PBX3: variants seen among roughly 807,000 people sequenced by gnomAD.
PBX3 encodes PBX homeobox 3.
A neutral mutation model predicts 48.5 loss-of-function variants in PBX3; 14 were observed. The ratio of observed to expected loss-of-function variants is 0.29; its 90% CI spans 0.19 to 0.45. PBX3 has a LOEUF of 0.45. PBX3 is among the 20% of genes least tolerant of loss of function. The pLI is 1.00. For missense variants in PBX3, 386 were observed against 546.7 expected, an observed-to-expected ratio of 0.71 and a Z score of 2.93; for synonymous variants, 210 against 200.3, an observed-to-expected ratio of 1.05 and a Z score of -0.41.
At chr9:125,822,512 T>C (rs1319890873) in intron 2 of PBX3, among the ~76,000 whole-genome samples, 2 of 152,184 alleles carry the variant, frequency 1.3e-5, no homozygotes, top group South Asian at 2.1e-4. Flanking sequence ...TGGTTTTTCA[T>C]TGTAAATAAT....
At chr9:125,761,496 AG>A (rs1317617693) in intron 2 of PBX3, among the ~76,000 whole-genome samples, 1 of 152,098 alleles carries the variant, frequency 6.6e-6, no homozygotes, top group Admixed American at 6.6e-5. Flanking sequence ...AGGTTCATCG[AG>A]AGAGCTTCAG....
At chr9:125,892,982 A>G (rs1588267933) in intron 2 of PBX3, among the ~76,000 whole-genome samples, 1 of 152,162 alleles carries the variant, frequency 6.6e-6, no homozygotes, top group Non-Finnish European at 1.5e-5. Context: ...GCTTTATTTT[A>G]TTTAAATGGA....
At chr9:125,814,463 T>C (rs1326399906) in intron 2 of PBX3, among the ~76,000 whole-genome samples, 1 of 152,176 alleles carries the variant, frequency 6.6e-6, no homozygotes, top group Non-Finnish European at 1.5e-5. Flanking sequence ...GAGCTACATA[T>C]ATACATTTAG....
At chr9:125,927,612 T>C (rs1186620624) in intron 3 of PBX3, among the ~76,000 whole-genome samples, 4 of 152,210 alleles carry the variant, frequency 2.6e-5, no homozygotes, top group Non-Finnish European at 5.9e-5. Context: ...AGATGCAGAA[T>C]TTCCCATCCT....
chr9:125,759,465 CAT>C lies in PBX3; in HGVS notation c.274+10845_274+10846del, dbSNP rs1836606857. On this transcript the variant is annotated intron_variant, in intron 2 of 8. Coordinates refer to ENST00000373489, the MANE Select transcript of PBX3 (RefSeq NM_006195.6). This position sits in a 1 kb window ranked among gnomAD's most constrained non-coding sequence, Gnocchi z 4.2. ...GGAATTGGAACAGTGAGGCATTTAT[CAT>C]ATCATCCCCTACTCCTCATGCAAGC... is the stretch of plus-strand genomic sequence containing the variant. Among the ~76,000 whole-genome samples, 1 of 152,182 alleles carries C rather than the reference CAT, an allele frequency of 6.6e-6. No individual in the cohort carries two copies. The highest frequency in any genetic ancestry group is 2.4e-5 in the African/African-American group (1 of 41,434).
intron 2 of PBX3, among the ~76,000 whole-genome samples, chr9:125,828,060 G>A (rs1838858171): frequency 6.6e-6 from 1 of 152,076 alleles, no homozygotes; most frequent in Non-Finnish European, 1.5e-5. Context: ...CCTTAGGTTT[G>A]GACTTTTGCT....
chr9:125,920,192 T>C (rs755434293), intron 3 of PBX3, among the ~76,000 whole-genome samples: 4 of 152,388 alleles, frequency 2.6e-5, no homozygotes, highest in East Asian at 1.9e-4. Flanking sequence ...AACTGTCTTA[T>C]AGTACTTCGT....
intron 2 of PBX3, among the ~76,000 whole-genome samples, chr9:125,863,829 A>G (rs1476508284): frequency 6.6e-6 from 1 of 152,106 alleles, no homozygotes; most frequent in Admixed American, 6.6e-5. Context: ...TCTTTTTACT[A>G]ATCATACCTG....
chr9:125,749,964 C>CTG (rs1836325799), intron 2 of PBX3, among the ~76,000 whole-genome samples: 1 of 152,138 alleles, frequency 6.6e-6, no homozygotes, highest in Non-Finnish European at 1.5e-5. Flanking sequence ...GTGATCCTTT[C>CTG]TTGAATTACT....
chr9:125,891,237 T>C (rs1169045509), intron 2 of PBX3, among the ~76,000 whole-genome samples: 1 of 152,246 alleles, frequency 6.6e-6, no homozygotes, highest in Non-Finnish European at 1.5e-5. Context: ...AACATTGATC[T>C]TTCCCATATA....
At chr9:125,774,077 C>T (rs1837010022) in intron 2 of PBX3, among the ~76,000 whole-genome samples, 1 of 152,118 alleles carries the variant, frequency 6.6e-6, no homozygotes, top group African/African-American at 2.4e-5. Context: ...CACACAGTTC[C>T]ACAGGCTGTA....
At chr9:125,916,015 G>T in intron 3 of PBX3, 88 bp downstream of exon 3, 1 of 1,519,602 alleles carries the variant, frequency 6.6e-7, no homozygotes, top group Non-Finnish European at 8.8e-7. Context: ...GGCTGTGAGG[G>T]GTAGGTGTTA....
At chr9:125,835,533 T>C (rs1369092003) in intron 2 of PBX3, among the ~76,000 whole-genome samples, 1 of 151,568 alleles carries the variant, frequency 6.6e-6, no homozygotes, top group Non-Finnish European at 1.5e-5. Flanking sequence ...AAAAAAAAAA[T>C]CTGATTTTAA....
chr9:125,855,016 A>G (rs1839683886), intron 2 of PBX3, among the ~76,000 whole-genome samples: 1 of 152,244 alleles, frequency 6.6e-6, no homozygotes, highest in South Asian at 2.1e-4. Context: ...AGATTGTATC[A>G]GCATGAGATG....
chr9:125,883,390 A>T (rs557857066), intron 2 of PBX3, among the ~76,000 whole-genome samples: 1 of 152,236 alleles, frequency 6.6e-6, no homozygotes, highest in Non-Finnish European at 1.5e-5. Context: ...AAGTAATACA[A>T]AAGTAATCTA....
At chr9:125,824,389 G>A (rs1363271829) in intron 2 of PBX3, among the ~76,000 whole-genome samples, 3 of 152,198 alleles carry the variant, frequency 2.0e-5, no homozygotes, top group Non-Finnish European at 4.4e-5. Context: ...CCTGTCCACA[G>A]TTCCGTTATT....
chr9:125,756,629 C>T (rs190961779), intron 2 of PBX3, among the ~76,000 whole-genome samples: 2 of 152,172 alleles, frequency 1.3e-5, no homozygotes, highest in Admixed American at 6.5e-5. Context: ...ATCTTCTCTT[C>T]AGAGCCATGT....
At chr9:125,778,851 A>C (rs35055884) in intron 2 of PBX3, among the ~76,000 whole-genome samples, 1 of 132,822 alleles carries the variant, frequency 7.5e-6, no homozygotes, top group African/African-American at 2.8e-5. Flanking sequence ...AGATTTACCA[A>C]CTTTGCTCAC....
At chr9:125,790,639 G>C (rs1837574995) in intron 2 of PBX3, among the ~76,000 whole-genome samples, 1 of 152,072 alleles carries the variant, frequency 6.6e-6, no homozygotes, top group Non-Finnish European at 1.5e-5. Flanking sequence ...CACAATAATA[G>C]GTTATTGCAG....
Sources: gnomAD v4.1 joint callset for allele counts (sites outside exome capture counted in the v4.1 genomes callset) on GRCh38, gnomAD v4.1.1 for gene constraint, Gnocchi (gnomAD v3.1) non-coding constraint, MANE v1.5 for transcripts, NCBI Gene and HGNC (gene_info 2026-07-23, HGNC 2026-07-21) for gene names.